Variants in LRP1B observed in about 807,000 individuals in gnomAD.
The protein encoded by LRP1B is low-density lipoprotein receptor-related protein 1B.
In LRP1B, 217 loss-of-function variants were observed where a neutral mutation model predicts 556.6. The observed-to-expected ratio is 0.39, with a 90% confidence interval of 0.35 to 0.44. LRP1B has a LOEUF of 0.44. LRP1B is among the 20% of genes least tolerant of loss of function. LRP1B has a pLI of 1.00. For synonymous variants in LRP1B, 2,047 were observed against 1,865.8 expected (o/e 1.10, Z -2.50); for missense variants, 5,053 against 5,620.8 (o/e 0.90, Z 3.23).
intron 43 of LRP1B, among the ~76,000 whole-genome samples, chr2:140,543,546 A>G (rs1255016328): frequency 1.3e-5 from 2 of 152,024 alleles, no homozygotes; most frequent in Non-Finnish European, 2.9e-5. Flanking sequence ...ATTTGATAAG[A>G]TATGGCTTCT....
At chr2:142,081,080 T>A (rs1705695271) in intron 1 of LRP1B, among the ~76,000 whole-genome samples, 1 of 152,174 alleles carries the variant, frequency 6.6e-6, no homozygotes, top group South Asian at 2.1e-4. Flanking sequence ...TTCAATTTCC[T>A]GACTTCCAAT....
chr2:141,782,634 A>G lies in LRP1B; in HGVS notation c.205+27645T>C, dbSNP rs1695294607. 4.6e-5 allele frequency among the ~76,000 whole-genome samples: 7 copies of G among 151,370 alleles called. 1 individual carries two copies. The South Asian group carries it at 1.5e-3, about 32-fold the overall frequency. On this transcript the variant is annotated intron_variant, in intron 2 of 90. Transcript: ENST00000389484. ...AAGAACTAGAGTGTTTTAGACACTG[A>G]TCATATAGGGTTTGTGTGAAACTCA...
chr2:140,257,674 C>A (rs1681757183), intron 86 of LRP1B, among the ~76,000 whole-genome samples: 1 of 152,140 alleles, frequency 6.6e-6, no homozygotes, highest in African/African-American at 2.4e-5. Context: ...TTTTCTCGGA[C>A]TTTACTGCTC....
intron 32 of LRP1B, among the ~76,000 whole-genome samples, chr2:140,785,542 TA>T (rs1188838985): frequency 3.9e-5 from 6 of 152,262 alleles, no homozygotes; most frequent in East Asian, 1.9e-4. Flanking sequence ...AAAATCAACA[TA>T]TTTTTTAGAA....
chr2:141,648,654 A>G (rs1236850141), intron 2 of LRP1B, among the ~76,000 whole-genome samples: 1 of 152,208 alleles, frequency 6.6e-6, no homozygotes, highest in Non-Finnish European at 1.5e-5. Flanking sequence ...AGCACATAGA[A>G]TATGTTCAGT....
At chr2:141,204,396 T>C (rs878958228) in intron 6 of LRP1B, among the ~76,000 whole-genome samples, 1 of 152,120 alleles carries the variant, frequency 6.6e-6, no homozygotes, top group Admixed American at 6.5e-5. Flanking sequence ...GGGAATGATA[T>C]GAGAGAAATC....
chr2:141,329,688 G>A lies in LRP1B; in HGVS notation c.344-75047C>T, dbSNP rs530452519. On this transcript the variant is annotated intron_variant, in intron 3 of 90. Transcript: ENST00000389484. Reference sequence around the variant, plus strand: ...AAACTATCTCTCTCTCTATCTATCTGTTCGAGGCTTAGGGTAAGGATACCA... The same window carrying A: ...AAACTATCTCTCTCTCTATCTATCTATTCGAGGCTTAGGGTAAGGATACCA... 1.4e-4 allele frequency among the ~76,000 whole-genome samples: 21 copies of A among 149,634 alleles called. 2 individuals carry two copies. In the South Asian group the frequency reaches 4.4e-3, roughly 32 times the overall value.
intron 35 of LRP1B, among the ~76,000 whole-genome samples, chr2:140,759,455 A>G (rs1165797889): frequency 6.6e-6 from 1 of 152,220 alleles, no homozygotes; most frequent in East Asian, 1.9e-4. Flanking sequence ...TAAATAATAA[A>G]TAAAGGAAAC....
chr2:140,247,809 A>G (rs1012060369), intron 86 of LRP1B, among the ~76,000 whole-genome samples: 3 of 151,660 alleles, frequency 2.0e-5, no homozygotes, highest in Non-Finnish European at 4.4e-5. Context: ...AGATCTGATT[A>G]AAAGCCATTA....
intron 67 of LRP1B, among the ~76,000 whole-genome samples, chr2:140,383,491 A>G (rs13028094): frequency 0.088 from 13,390 of 152,218 alleles, 696 homozygotes; most frequent in Middle Eastern, 0.14. Context: ...CTGCCTGTGT[A>G]GAACGACTGG....
At chr2:141,819,296 TTCTC>T (rs1475944612) in intron 1 of LRP1B, among the ~76,000 whole-genome samples, 2 of 152,114 alleles carry the variant, frequency 1.3e-5, no homozygotes, top group Admixed American at 6.6e-5. Context: ...AACTTTTTCT[TTCTC>T]TATCACTGGA....
chr2:141,516,383 T>C (rs1004521246), intron 2 of LRP1B, among the ~76,000 whole-genome samples: 20 of 152,210 alleles, frequency 1.3e-4, no homozygotes, highest in African/African-American at 4.6e-4. Context: ...CAAACCATCA[T>C]TGATATTCTA....
chr2:141,194,737 T>C (rs1681675380), intron 6 of LRP1B, among the ~76,000 whole-genome samples: 1 of 151,988 alleles, frequency 6.6e-6, no homozygotes, highest in Non-Finnish European at 1.5e-5. Context: ...CTAACATCAA[T>C]GAGAGTAACT....
chr2:141,514,882 T>C lies in LRP1B; in HGVS notation c.206-34349A>G, dbSNP rs145443676. Reference sequence around the variant, plus strand: ...GATTGTTTGGTTATTTGAAGTACAGTTTCTACTGAATGAATATTGCTTTTG... The same window carrying C: ...GATTGTTTGGTTATTTGAAGTACAGCTTCTACTGAATGAATATTGCTTTTG... On this transcript the variant is annotated intron_variant, in intron 2 of 90. Coordinates refer to ENST00000389484, the MANE Select transcript of LRP1B (RefSeq NM_018557.3). Among the ~76,000 whole-genome samples the C allele has an allele frequency of 2.3e-3, 353 of 152,312 alleles. 2 individuals are homozygous for C. The highest frequency in any genetic ancestry group is 8.2e-3 in the African/African-American group (340 of 41,564).
intron 7 of LRP1B, among the ~76,000 whole-genome samples, chr2:141,086,771 C>T (rs1452526717): frequency 6.6e-6 from 1 of 151,994 alleles, no homozygotes; most frequent in Non-Finnish European, 1.5e-5. Context: ...ATGAACCAGC[C>T]CATTTGATTC....
intron 23 of LRP1B, among the ~76,000 whole-genome samples, chr2:140,900,455 T>C (rs1443484987): frequency 6.6e-6 from 1 of 152,210 alleles, no homozygotes; most frequent in Non-Finnish European, 1.5e-5. Flanking sequence ...TGTGTGAGAA[T>C]ATTGAAGAAG....
chr2:141,854,940 C>G (rs1029100812), intron 1 of LRP1B, among the ~76,000 whole-genome samples: 6 of 152,024 alleles, frequency 3.9e-5, no homozygotes, highest in African/African-American at 1.4e-4. Context: ...AGACAAACCT[C>G]TTCAAGTGAA....
chr2:141,023,925 G>C (rs577064945), intron 11 of LRP1B, among the ~76,000 whole-genome samples: 1 of 152,136 alleles, frequency 6.6e-6, no homozygotes, highest in East Asian at 1.9e-4. Context: ...GTCTACGTGA[G>C]TACAGAGTAT....
At chr2:141,161,576 C>A (rs1015869897) in intron 7 of LRP1B, among the ~76,000 whole-genome samples, 1 of 152,108 alleles carries the variant, frequency 6.6e-6, no homozygotes, top group African/African-American at 2.4e-5. Flanking sequence ...CTTTGTAAAG[C>A]AAAGGCATTG....
Sources: gnomAD v4.1 joint callset for allele counts (sites outside exome capture counted in the v4.1 genomes callset) on GRCh38, gnomAD v4.1.1 for gene constraint, MANE v1.5 for transcripts, NCBI Gene and HGNC (gene_info 2026-07-23, HGNC 2026-07-21) for gene names.